MEI4: variants seen among roughly 807,000 people sequenced by gnomAD.
MEI4 encodes meiotic double-stranded break formation protein 4.
In MEI4, 27 loss-of-function variants were observed where a neutral mutation model predicts 31.4. That is an observed-to-expected ratio of 0.86 (90% CI 0.63 to 1.19). MEI4 has a LOEUF of 1.19. Among genes scored for constraint, MEI4 ranks in the 50% most tolerant of loss-of-function variants. MEI4 has a pLI of 0.00. For missense variants in MEI4, 329 were observed against 398.9 expected, an observed-to-expected ratio of 0.82 and a Z score of 1.49; for synonymous variants, 122 against 145.4, an observed-to-expected ratio of 0.84 and a Z score of 1.16.
At chr6:77,803,948 A>G (rs6933951) in intron 3 of MEI4, among the ~76,000 whole-genome samples, 83,564 of 152,016 alleles carry the variant, frequency 0.55, 25,152 homozygotes, top group African/African-American at 0.79. Flanking sequence ...CCGTCTGTCC[A>G]TTCTCAGATC....
intron 4 of MEI4, among the ~76,000 whole-genome samples, chr6:77,854,854 G>T (rs1329861160): frequency 6.6e-6 from 1 of 151,992 alleles, no homozygotes; most frequent in Non-Finnish European, 1.5e-5. Context: ...TTTTATAGAT[G>T]AGGTGATAAC....
At chr6:77,867,503 A>G (rs1771070321) in intron 4 of MEI4, among the ~76,000 whole-genome samples, 1 of 152,238 alleles carries the variant, frequency 6.6e-6, no homozygotes, top group Admixed American at 6.5e-5. Flanking sequence ...AATGCAAATC[A>G]AAACCACAAT....
At chr6:77,714,635 C>G (rs1766539741) in intron 2 of MEI4, among the ~76,000 whole-genome samples, 1 of 152,278 alleles carries the variant, frequency 6.6e-6, no homozygotes, top group Non-Finnish European at 1.5e-5. Flanking sequence ...GATTTAGGAG[C>G]TGATTCCATT....
In MEI4 at chr6:77,690,725, A is replaced by G; in HGVS notation, c.54A>G (p.Ala18=). ...CTTCAAAGCTGGCTCTGGCCTTGGC[A>G]ATTATCCGCTCAAAACCAGCAGACA... The part of the protein sequence containing the change: ...LRTSKLALAL[A]IIRSKPADKS... The change falls in exon 2 of 5, where the codon GCA becomes GCG. Residue 18 remains alanine (A), a synonymous_variant. Coordinates refer to ENST00000684080, the MANE Select transcript of MEI4 (RefSeq NM_001322247.2). The G allele has an allele frequency of 4.1e-6, 5 of 1,231,580 alleles. No individual in the cohort carries two copies. Among genetic ancestry groups the G allele is most frequent in the Non-Finnish European group, 5.1e-6 (5 of 987,428 alleles). The allele number at this position is 1,231,580 out of a possible 1,614,324, so 76.3% of individuals were successfully genotyped here. A position where few individuals can be genotyped will look rare whatever the true frequency, so the allele number is the denominator to read the frequency against.
At chr6:77,895,340 T>C (rs1472432738) in intron 4 of MEI4, among the ~76,000 whole-genome samples, 1 of 152,098 alleles carries the variant, frequency 6.6e-6, no homozygotes, top group African/African-American at 2.4e-5. Flanking sequence ...TAACGACACC[T>C]CTCCCTGCTC....
intron 3 of MEI4, among the ~76,000 whole-genome samples, chr6:77,788,708 A>G (rs983953804): frequency 6.6e-6 from 1 of 152,130 alleles, no homozygotes; most frequent in Non-Finnish European, 1.5e-5. Context: ...TATGTGAAAG[A>G]CCTCTTCAAG....
intron 3 of MEI4, among the ~76,000 whole-genome samples, chr6:77,774,370 A>G (rs1768387850): frequency 6.6e-6 from 1 of 152,148 alleles, no homozygotes; most frequent in Non-Finnish European, 1.5e-5. Flanking sequence ...AACGACATTG[A>G]TGGAACTGGA....
At chr6:77,804,252 C>T (rs1055624113) in intron 3 of MEI4, among the ~76,000 whole-genome samples, 10 of 151,592 alleles carry the variant, frequency 6.6e-5, no homozygotes, top group Non-Finnish European at 1.2e-4. Flanking sequence ...AGACTCTGAG[C>T]CATGTACGGG....
At chr6:77,757,934 G>A (rs1488921223) in intron 2 of MEI4, among the ~76,000 whole-genome samples, 1 of 151,974 alleles carries the variant, frequency 6.6e-6, no homozygotes, top group Non-Finnish European at 1.5e-5. Context: ...GAGGCGGGTG[G>A]ATCACAGGGT....
chr6:77,850,338 G>T (rs990157822), intron 4 of MEI4, among the ~76,000 whole-genome samples: 4 of 152,106 alleles, frequency 2.6e-5, no homozygotes, highest in Non-Finnish European at 4.4e-5. Context: ...ACAATCCTAA[G>T]CCAAAAGAAC....
At chr6:77,685,086 G>T (rs9448144) in intron 1 of MEI4, among the ~76,000 whole-genome samples, 48 of 152,172 alleles carry the variant, frequency 3.2e-4, no homozygotes, top group Non-Finnish European at 5.4e-4. Flanking sequence ...TTTGATTTGC[G>T]TTTCTCTGAT....
chr6:77,679,689 T>C (rs1159090271), intron 1 of MEI4, among the ~76,000 whole-genome samples: 4 of 152,156 alleles, frequency 2.6e-5, no homozygotes, highest in African/African-American at 9.6e-5. Flanking sequence ...TTCTGTTTTG[T>C]GTGTCCTCCC....
At chr6:77,720,640 A>T (rs1561957798) in intron 2 of MEI4, among the ~76,000 whole-genome samples, 1 of 127,300 alleles carries the variant, frequency 7.9e-6, no homozygotes, top group Non-Finnish European at 1.7e-5. Flanking sequence ...GCAATGTTGT[A>T]CAATATCTTT....
At chr6:77,822,701 C>T (rs1388673660) in intron 3 of MEI4, among the ~76,000 whole-genome samples, 7 of 148,430 alleles carry the variant, frequency 4.7e-5, no homozygotes, top group African/African-American at 1.7e-4. Flanking sequence ...CTCACTGCAA[C>T]CTCTGCCTCC....
chr6:77,922,798 A>AC (rs1268303644), intron 4 of MEI4, among the ~76,000 whole-genome samples: 1 of 151,652 alleles, frequency 6.6e-6, no homozygotes, highest in Non-Finnish European at 1.5e-5. Flanking sequence ...CACTGTTAAG[A>AC]CCCCTTGCCA....
intron 4 of MEI4, among the ~76,000 whole-genome samples, chr6:77,841,777 A>C (rs1770371915): frequency 1.3e-5 from 2 of 152,316 alleles, no homozygotes; most frequent in African/African-American, 2.4e-5. Context: ...AATCCAAAGA[A>C]AGTTAGATTG....
At chr6:77,676,120 A>G (rs1291024414) in intron 1 of MEI4, among the ~76,000 whole-genome samples, 1 of 152,188 alleles carries the variant, frequency 6.6e-6, no homozygotes, top group Non-Finnish European at 1.5e-5. Flanking sequence ...CACTTTCTGC[A>G]ACCATTTACA....
intron 4 of MEI4, among the ~76,000 whole-genome samples, chr6:77,898,499 TG>T (rs1384974729): frequency 6.6e-6 from 1 of 152,024 alleles, no homozygotes; most frequent in Non-Finnish European, 1.5e-5. Context: ...TTATGTTATA[TG>T]GCTGTGCTCC....
At chr6:77,673,552 C>G (rs9359281) in intron 1 of MEI4, among the ~76,000 whole-genome samples, 56,967 of 151,962 alleles carry the variant, frequency 0.37, 10,924 homozygotes, top group African/African-American at 0.42. Context: ...GACTTATGCA[C>G]ACCCTCTTGG....
Sources: allele counts gnomAD v4.1 joint callset (sites outside exome capture counted in the v4.1 genomes callset), GRCh38; gene constraint gnomAD v4.1.1; transcripts MANE v1.5; gene names NCBI Gene and HGNC (gene_info 2026-07-23, HGNC 2026-07-21).